The following ADGRB3 variants were observed in gnomAD, a reference collection of about 807,000 sequenced individuals.
The protein encoded by ADGRB3 is adhesion G protein-coupled receptor B3, also known as brain-specific angiogenesis inhibitor 3.
Under a neutral mutation model 193.4 loss-of-function variants are expected in ADGRB3, and 37 were observed. The ratio of observed to expected loss-of-function variants is 0.19; its 90% confidence interval spans 0.15 to 0.25. The LOEUF (loss-of-function observed/expected upper bound fraction) is 0.25. Ranked by LOEUF, ADGRB3 falls within the 10% of genes least tolerant of loss-of-function variation. The probability of loss-of-function intolerance (pLI) is 1.00; values close to 1 mark genes in which losing one functional copy is unlikely to be tolerated. For missense variants in ADGRB3, 1,637 were observed against 1,852.9 expected, an observed-to-expected ratio of 0.88 and a Z score of 2.14; for synonymous variants, 690 against 644.2, an observed-to-expected ratio of 1.07 and a Z score of -1.08.
intron 20 of ADGRB3, among the ~76,000 whole-genome samples, chr6:69,280,275 C>T (rs573830362): frequency 6.6e-6 from 1 of 152,240 alleles, no homozygotes; most frequent in South Asian, 2.1e-4. Context: ...TTAAATCATC[C>T]CCTCATCTCA....
At chr6:69,241,536 C>CA (rs1327949387) in intron 20 of ADGRB3, among the ~76,000 whole-genome samples, 1 of 151,886 alleles carries the variant, frequency 6.6e-6, no homozygotes, top group Non-Finnish European at 1.5e-5. Flanking sequence ...AAAATTATCT[C>CA]AAAAAACTAC....
chr6:69,051,103 T>C (rs1182738953), intron 15 of ADGRB3, among the ~76,000 whole-genome samples: 2 of 152,090 alleles, frequency 1.3e-5, no homozygotes, highest in Non-Finnish European at 2.9e-5. Context: ...AAAAGAAACA[T>C]TTAATTAGTG....
At chr6:69,350,218 A>G (rs1444985819) in intron 26 of ADGRB3, among the ~76,000 whole-genome samples, 1 of 151,988 alleles carries the variant, frequency 6.6e-6, no homozygotes, top group Non-Finnish European at 1.5e-5. Context: ...TTGGAAGTGC[A>G]TGGTTAGATT....
chr6:68,991,949 C>A (rs1267384964), intron 10 of ADGRB3, among the ~76,000 whole-genome samples: 6 of 152,120 alleles, frequency 3.9e-5, no homozygotes, highest in Admixed American at 3.3e-4. Context: ...GGCTCTAAAG[C>A]CCATTCCATT....
intron 17 of ADGRB3, among the ~76,000 whole-genome samples, chr6:69,102,535 G>A (rs1773093016): frequency 1.3e-5 from 2 of 152,316 alleles, no homozygotes; most frequent in South Asian, 4.1e-4. Context: ...ATCAGGGGTT[G>A]CTGGCATTGT....
At chr6:69,051,204 A>G (rs1771383347) in intron 15 of ADGRB3, among the ~76,000 whole-genome samples, 1 of 152,166 alleles carries the variant, frequency 6.6e-6, no homozygotes, top group South Asian at 2.1e-4. Context: ...GATTTAATGG[A>G]TATAGTAGAG....
chr6:68,913,481 T>A (rs1490349308), intron 3 of ADGRB3, among the ~76,000 whole-genome samples: 1 of 152,006 alleles, frequency 6.6e-6, no homozygotes, highest in African/African-American at 2.4e-5. Flanking sequence ...CAGCTGAGGG[T>A]CCTGTCTGTT....
At chr6:68,974,999 T>A in intron 9 of ADGRB3, 135 bp downstream of exon 9, 1 of 770,844 alleles carries the variant, frequency 1.3e-6, no homozygotes, top group Non-Finnish European at 2.1e-6. Flanking sequence ...ATGAAACAAT[T>A]TTAGTAAAGT....
intron 8 of ADGRB3, among the ~76,000 whole-genome samples, chr6:68,967,154 G>A (rs1018076139): frequency 1.3e-5 from 2 of 152,056 alleles, no homozygotes; most frequent in African/African-American, 2.4e-5. Flanking sequence ...TTGTGTAGTG[G>A]ATTTCTGTCT....
intron 10 of ADGRB3, among the ~76,000 whole-genome samples, chr6:68,990,609 C>G (rs1769211365): frequency 6.6e-6 from 1 of 152,152 alleles, no homozygotes; most frequent in South Asian, 2.1e-4. Context: ...GACTGGCTTT[C>G]CTATTAGTTG....
chr6:69,271,904 A>T (rs74689981), intron 20 of ADGRB3, among the ~76,000 whole-genome samples: 3,548 of 152,244 alleles, frequency 0.023, 115 homozygotes, highest in African/African-American at 0.077. Flanking sequence ...AAACATACGA[A>T]TTTTTCCTTG....
intron 3 of ADGRB3, among the ~76,000 whole-genome samples, chr6:68,893,987 T>G (rs564762439): frequency 1.3e-5 from 2 of 152,098 alleles, no homozygotes; most frequent in African/African-American, 4.8e-5. Context: ...ATCAATAACA[T>G]GGTTTATTTT....
chr6:68,843,630 CAAAATA>C (rs1233150209), intron 3 of ADGRB3, among the ~76,000 whole-genome samples: 1 of 150,702 alleles, frequency 6.6e-6, no homozygotes, highest in Non-Finnish European at 1.5e-5. Flanking sequence ...TGATCTGTGT[CAAAATA>C]CCAATGACAA....
intron 15 of ADGRB3, among the ~76,000 whole-genome samples, chr6:69,062,379 C>T (rs950099111): frequency 6.6e-6 from 1 of 151,796 alleles, no homozygotes; most frequent in Non-Finnish European, 1.5e-5. Context: ...TGAGATCAAG[C>T]AGTGGCCTGT....
Position 69,210,167 on chromosome 6 carries a change from T to C in ADGRB3, c.2481-23123T>C, listed in dbSNP as rs1327380528. 9.2e-5 allele frequency among the ~76,000 whole-genome samples: 12 copies of C among 130,072 alleles called. 1 individual carries two copies. Among genetic ancestry groups the C allele is most frequent in the Admixed American group, 9.2e-4 (12 of 13,056 alleles). The allele number at this position is 130,072 out of a possible 152,430, so 85.3% of individuals were successfully genotyped here. The stretch of plus-strand genomic sequence containing the variant: ...TATATATCATATATATATATATATA[T>C]ATAAAGGGGAGTTTATTAAATATTA... On this transcript the variant is annotated intron_variant, in intron 17 of 31. Transcript: ENST00000370598.
intron 8 of ADGRB3, among the ~76,000 whole-genome samples, chr6:68,966,699 G>A (rs1768390586): frequency 1.3e-5 from 2 of 152,168 alleles, no homozygotes; most frequent in South Asian, 4.1e-4. Flanking sequence ...CCTGTGTACT[G>A]TAATTCCTCA....
intron 30 of ADGRB3, among the ~76,000 whole-genome samples, chr6:69,377,527 G>C (rs115934822): frequency 0.017 from 2,644 of 151,972 alleles, 32 homozygotes; most frequent in Non-Finnish European, 0.026. Flanking sequence ...TAAAGAAGAA[G>C]AACCACAGGT....
chr6:68,741,463 T>A lies in ADGRB3; in HGVS notation c.757+102031T>A, dbSNP rs183188761. 4.8e-4 allele frequency among the ~76,000 whole-genome samples: 73 copies of A among 152,244 alleles called. 1 individual carries two copies. The South Asian group carries it at 6.8e-3, about 14-fold the overall frequency. On this transcript the variant is annotated intron_variant, in intron 3 of 31. Transcript: ENST00000370598. ...TGTGATCATGCCATCATGGCTCAAC[T>A]GCAACCTCCACCTCGCCAGCTCAAG...
chr6:69,344,617 A>G (rs1485842856), intron 26 of ADGRB3, among the ~76,000 whole-genome samples: 1 of 152,216 alleles, frequency 6.6e-6, no homozygotes, highest in African/African-American at 2.4e-5. Context: ...CATATTGCAT[A>G]TAATATAGTT....
Sources: allele counts gnomAD v4.1 joint callset (sites outside exome capture counted in the v4.1 genomes callset), GRCh38; gene constraint gnomAD v4.1.1; transcripts MANE v1.5; gene names NCBI Gene and HGNC (gene_info 2026-07-23, HGNC 2026-07-21).